The following RERE variants were observed in gnomAD, a reference collection of about 807,000 sequenced individuals.
The protein encoded by RERE is arginine-glutamic acid dipeptide repeats, also known as arginine-glutamic acid dipeptide repeats protein.
RERE carries 40 observed loss-of-function variants against 146.1 expected under a neutral mutation model. That is an observed-to-expected ratio of 0.27 (90% CI 0.21 to 0.36). RERE has a LOEUF of 0.36. Ranked by LOEUF, RERE falls within the 10% of genes least tolerant of loss-of-function variation. The pLI is 1.00. For missense variants in RERE, 1,933 were observed against 2,138.7 expected (o/e 0.90, Z 1.90); for synonymous variants, 1,003 against 866.0 (o/e 1.16, Z -2.78).
chr1:8,362,525 G>C (rs933016080), intron 16 of RERE, among the ~76,000 whole-genome samples, 158 bp downstream of exon 16: 1 of 152,126 alleles, frequency 6.6e-6, no homozygotes, highest in Non-Finnish European at 1.5e-5. Context: ...CCCAGCCTTC[G>C]GTCTGCAGCC....
At chr1:8,389,181 G>A (rs1642792313) in intron 12 of RERE, among the ~76,000 whole-genome samples, 1 of 152,166 alleles carries the variant, frequency 6.6e-6, no homozygotes, top group South Asian at 2.1e-4. Context: ...TGTGCTTCTA[G>A]ATAAGGCCGA....
chr1:8,360,788 G>C lies in RERE; in HGVS notation c.2719C>G (p.Leu907Val), dbSNP rs1192622284. The change falls in exon 18 of 23, where the codon CTG becomes GTG. Residue 907 changes from leucine (L) to valine (V), a missense_variant. Leu to Val is a conservative substitution (Grantham distance 32). Transcript: ENST00000400908. The stretch of plus-strand genomic sequence containing the variant: ...TCCCGTGGAGGCTGTTGGGACTGCA[G>C]CGCTGACTGAGAGGCTGGCAGCTGC... ...SLQLPASQSA[L>V]QSQQPPREQP... 6.3e-7 allele frequency: 1 copy of C among 1,589,882 alleles called. No individual in the cohort carries two copies. The highest frequency in any genetic ancestry group is 2.2e-5 in the East Asian group (1 of 44,520).
chr1:8,791,120 T>G (rs1366407415), intron 1 of RERE, among the ~76,000 whole-genome samples: 1 of 152,168 alleles, frequency 6.6e-6, no homozygotes, highest in Admixed American at 6.5e-5. Context: ...TACTCTCTAC[T>G]CCCTAGGAAC....
rs547152048 is a variant in RERE at position 8,724,978 on chromosome 1, T to G, written c.-144-68537A>C. Among the ~76,000 whole-genome samples the G allele has an allele frequency of 2.0e-5, 3 of 152,066 alleles. No homozygotes were observed. The South Asian group carries it at 6.2e-4, about 32-fold the overall frequency. On this transcript the variant is annotated intron_variant, in intron 1 of 22. Coordinates refer to ENST00000400908, the MANE Select transcript of RERE (RefSeq NM_001042681.2). ...TCCTTTAGTTTACACACCAATTCTGTATAAATTAAAAACACACAATTTCAG... is the reference window on the plus strand; with the variant it reads ...TCCTTTAGTTTACACACCAATTCTGGATAAATTAAAAACACACAATTTCAG...
intron 4 of RERE, among the ~76,000 whole-genome samples, chr1:8,561,325 G>C (rs1442912420): frequency 6.6e-6 from 1 of 152,132 alleles, no homozygotes; most frequent in East Asian, 1.9e-4. Context: ...ACAACAATTT[G>C]AAACAAATTT....
At chr1:8,433,575 A>G in intron 11 of RERE, among the ~76,000 whole-genome samples, 1 of 131,666 alleles carries the variant, frequency 7.6e-6, no homozygotes, top group Non-Finnish European at 1.6e-5. Context: ...TTTTTTTGAG[A>G]CGGAGTCTCG....
rs192165843 is a variant in RERE, at chr1:8,770,017, C to T, written c.-145+47143G>A. On this transcript the variant is annotated intron_variant, in intron 1 of 22. Coordinates refer to ENST00000400908, the MANE Select transcript of RERE (RefSeq NM_001042681.2). ...GTTGGCCAGATTGGTCTTGAACTCCCGACCTCAGGTAATCCACCCGCTTCA... is the reference window on the plus strand; with the variant it reads ...GTTGGCCAGATTGGTCTTGAACTCCTGACCTCAGGTAATCCACCCGCTTCA... Among the ~76,000 whole-genome samples, 484 of 152,114 alleles carry T rather than the reference C, an allele frequency of 3.2e-3. 5 individuals are homozygous for T. Among genetic ancestry groups the T allele is most frequent in the Non-Finnish European group, 5.7e-3 (387 of 67,980 alleles).
intron 1 of RERE, among the ~76,000 whole-genome samples, chr1:8,768,016 T>G (rs1363348048): frequency 6.6e-6 from 1 of 152,082 alleles, no homozygotes; most frequent in South Asian, 2.1e-4. Context: ...ATAAAAGTGA[T>G]GGAGAAAAGA....
At chr1:8,436,738 A>G (rs1336958795) in intron 11 of RERE, among the ~76,000 whole-genome samples, 1 of 152,244 alleles carries the variant, frequency 6.6e-6, no homozygotes, top group African/African-American at 2.4e-5. Flanking sequence ...AACTAAAAAG[A>G]TCAAAAATAT....
chr1:8,546,012 T>C (rs1374938424), intron 6 of RERE, among the ~76,000 whole-genome samples: 24 of 124,740 alleles, frequency 1.9e-4, no homozygotes, highest in African/African-American at 6.1e-4. Flanking sequence ...TTTTTTGAGA[T>C]AGGGTCTCCC....
At chr1:8,481,512 G>A (rs1644834333) in intron 10 of RERE, among the ~76,000 whole-genome samples, 3 of 152,182 alleles carry the variant, frequency 2.0e-5, no homozygotes. Context: ...ATATAAATAA[G>A]TGTGCTTATT....
Position 8,451,501 on chromosome 1 carries a change from C to T in RERE, c.1203+14424G>A, listed in dbSNP as rs575941536. On this transcript the variant is annotated intron_variant, in intron 11 of 22. Coordinates refer to ENST00000400908, the MANE Select transcript of RERE (RefSeq NM_001042681.2). ...CCCACCAATTTTCTAGCCCAATCTTCCACCCACTTTGGCTGCATATTAGTG... is the reference window on the plus strand; with the variant it reads ...CCCACCAATTTTCTAGCCCAATCTTTCACCCACTTTGGCTGCATATTAGTG... Among the ~76,000 whole-genome samples the T allele has an allele frequency of 9.9e-5, 15 of 152,262 alleles. No individual in the cohort carries two copies. In the East Asian group the frequency reaches 2.7e-3, roughly 27 times the overall value.
intron 1 of RERE, among the ~76,000 whole-genome samples, chr1:8,684,624 G>C (rs949227601): frequency 6.6e-6 from 1 of 152,204 alleles, no homozygotes; most frequent in African/African-American, 2.4e-5. Flanking sequence ...TGGTGAAATA[G>C]TAAGTATAGC....
chr1:8,603,201 T>A (rs1410558484), intron 4 of RERE, among the ~76,000 whole-genome samples: 1 of 152,282 alleles, frequency 6.6e-6, no homozygotes, highest in African/African-American at 2.4e-5. Context: ...AGATTTTGGC[T>A]CTAAGTTTAC....
chr1:8,760,620 T>G (rs1304849279), intron 1 of RERE, among the ~76,000 whole-genome samples: 2 of 152,136 alleles, frequency 1.3e-5, no homozygotes, highest in Non-Finnish European at 2.9e-5. Flanking sequence ...TCCATGGATT[T>G]TTGTTGTGTT....
chr1:8,408,024 C>T (rs1272404156), intron 12 of RERE, among the ~76,000 whole-genome samples: 3 of 152,158 alleles, frequency 2.0e-5, no homozygotes, highest in Admixed American at 2.0e-4. Flanking sequence ...TTGTTACCTT[C>T]TATGAACGCT....
intron 12 of RERE, among the ~76,000 whole-genome samples, chr1:8,384,130 C>A (rs552045542): frequency 2.6e-5 from 4 of 152,280 alleles, no homozygotes; most frequent in African/African-American, 9.6e-5. Flanking sequence ...CGCCTCACCC[C>A]AAAGCCTCCT....
At chr1:8,611,277 G>T (rs1397676525) in intron 4 of RERE, among the ~76,000 whole-genome samples, 1 of 152,082 alleles carries the variant, frequency 6.6e-6, no homozygotes, top group Non-Finnish European at 1.5e-5. Flanking sequence ...GCCAAGATGA[G>T]AGGATCACTT....
At chr1:8,479,318 T>A (rs1644801930) in intron 10 of RERE, among the ~76,000 whole-genome samples, 1 of 151,818 alleles carries the variant, frequency 6.6e-6, no homozygotes, top group African/African-American at 2.4e-5. Context: ...AAATTTTTTT[T>A]AAATTTCAAA....
Sources: allele counts gnomAD v4.1 joint callset (sites outside exome capture counted in the v4.1 genomes callset), GRCh38; gene constraint gnomAD v4.1.1; transcripts MANE v1.5; gene names NCBI Gene and HGNC (gene_info 2026-07-23, HGNC 2026-07-21).